OPRD1: variants seen among roughly 807,000 people sequenced by gnomAD.
OPRD1 encodes opioid receptor delta 1.
A neutral mutation model predicts 17.5 loss-of-function variants in OPRD1; 19 were observed. That is an observed-to-expected ratio of 1.09 (90% CI 0.76 to 1.60). OPRD1 has a LOEUF of 1.60. OPRD1 is among the 40% of genes most tolerant of loss of function. OPRD1 has a pLI of 0.00. For synonymous variants in OPRD1, 256 were observed against 240.9 expected (o/e 1.06, Z -0.58); for missense variants, 483 against 547.2 (o/e 0.88, Z 1.17).
Position 28,812,591 on chromosome 1 carries a change from G to A in OPRD1, c.208G>A (p.Val70Ile). 6.4e-7 allele frequency: 1 copy of A among 1,557,334 alleles called. No individual in the cohort carries two copies. Among genetic ancestry groups the A allele is most frequent in the East Asian group, 2.5e-5 (1 of 39,944 alleles). ...CAVGLLGNVL[V>I]MFGIVRYTKM... ...CGTGGGGCTGCTGGGCAACGTGCTTGTCATGTTCGGCATCGTCCGGTGAGT... is the reference window on the plus strand; with the variant it reads ...CGTGGGGCTGCTGGGCAACGTGCTTATCATGTTCGGCATCGTCCGGTGAGT... The change falls in exon 1 of 3, where the codon GTC becomes ATC. Residue 70 changes from valine to isoleucine, a missense_variant. Val to Ile is a conservative substitution (Grantham distance 29). Transcript: ENST00000234961.
rs1178671918 is a variant in OPRD1, at chr1:28,812,555, GC to G, written c.174del (p.Val59CysfsTer22). On this transcript the variant is annotated frameshift_variant, in exon 1 of 3. Transcript: ENST00000234961. LOFTEE classifies it high-confidence loss of function. ...AATCGCCATCACCGCGCTCTACTCG[GC>G]CGTGTGCGCCGTGGGGCTGCTGGGC... ...LAIAITALYS[A>X]VCAVGLLGNV... The G allele has an allele frequency of 1.8e-5, 28 of 1,579,786 alleles. No homozygotes were observed. The highest frequency in any genetic ancestry group is 2.4e-5 in the Non-Finnish European group (28 of 1,169,912).
Position 28,812,628 on chromosome 1 carries a change from C to G in OPRD1, c.227+18C>G, listed in dbSNP as rs12133192. On this transcript the variant is annotated intron_variant, in intron 1 of 2. Coordinates refer to ENST00000234961, the MANE Select transcript of OPRD1 (RefSeq NM_000911.4). The stretch of plus-strand genomic sequence containing the variant: ...ATCGTCCGGTGAGTCCGCTGCGGGC[C>G]GGCGCCGCAGGGCTGGAGCCCGGGG... 328,282 of 1,475,890 alleles carry G rather than the reference C, an allele frequency of 0.22. 38,291 individuals carry two copies. Among genetic ancestry groups the G allele is most frequent in the Non-Finnish European group, 0.24 (264,242 of 1,112,094 alleles). 91.4% of individuals were successfully genotyped at this position (1,475,890 alleles called of 1,614,324 possible). A position where few individuals can be genotyped will look rare whatever the true frequency, so the allele number is the denominator to read the frequency against.
rs191549973 is a variant in OPRD1 at position 28,824,430 on chromosome 1, C to T, written c.227+11820C>T. Among the ~76,000 whole-genome samples the T allele has an allele frequency of 3.4e-3, 508 of 150,614 alleles. 6 individuals are homozygous for T. The highest frequency in any genetic ancestry group is 0.01 in the African/African-American group (431 of 41,100). On this transcript the variant is annotated intron_variant, in intron 1 of 2. Coordinates refer to ENST00000234961, the MANE Select transcript of OPRD1 (RefSeq NM_000911.4). Reference sequence around the variant, plus strand: ...CTGGGTTCACGGCATTCTCCTGCCTCGGCTTCCCGAGTAGCTGGGACTACA... The same window carrying T: ...CTGGGTTCACGGCATTCTCCTGCCTTGGCTTCCCGAGTAGCTGGGACTACA...
At chr1:28,812,729 G>A in intron 1 of OPRD1, 119 bp downstream of exon 1, 1 of 904,250 alleles carries the variant, frequency 1.1e-6, no homozygotes, top group Non-Finnish European at 1.5e-6. Context: ...TCCTGCAGGG[G>A]CACCTGGGGC....
chr1:28,860,587 T>C lies in OPRD1; in HGVS notation c.577+1284T>C, dbSNP rs185042145. The stretch of plus-strand genomic sequence containing the variant: ...GTCCTGGCTCATCGCCAAGGCCCAA[T>C]GAATAATAGCTATTAAATGATTAAG... On this transcript the variant is annotated intron_variant, in intron 2 of 2. Coordinates refer to ENST00000234961, the MANE Select transcript of OPRD1 (RefSeq NM_000911.4). 2.6e-5 allele frequency among the ~76,000 whole-genome samples: 4 copies of C among 152,256 alleles called. No homozygotes were observed. The East Asian group carries it at 7.7e-4, about 29-fold the overall frequency.
At chr1:28,830,743 C>G (rs998580530) in intron 1 of OPRD1, among the ~76,000 whole-genome samples, 1 of 152,158 alleles carries the variant, frequency 6.6e-6, no homozygotes, top group Non-Finnish European at 1.5e-5. Context: ...GTGCTTTAAA[C>G]GAGGCATACC....
chr1:28,863,276 C>A lies in OPRD1; in HGVS notation c.1112C>A (p.Ala371Asp). Reference protein sequence around the residue: ...TPSDGPGGGAAA With the variant: ...TPSDGPGGGADA ...TCCGATGGTCCCGGCGGTGGCGCTG[C>A]CGCCTGACCAGGCCATCCGGCCCCC... The change falls in exon 3 of 3, where the codon GCC (alanine) becomes GAC (aspartate). Residue 371 changes from alanine (A) to aspartate (D), a missense_variant. Coordinates refer to ENST00000234961, the MANE Select transcript of OPRD1 (RefSeq NM_000911.4). 6.9e-7 allele frequency: 1 copy of A among 1,441,134 alleles called. No individual in the cohort carries two copies. The highest frequency in any genetic ancestry group is 9.0e-7 in the Non-Finnish European group (1 of 1,108,566). The allele number at this position is 1,441,134 out of a possible 1,614,324, so 89.3% of individuals were successfully genotyped here.
At chr1:28,824,175 T>TC (rs148062214) in intron 1 of OPRD1, among the ~76,000 whole-genome samples, 20 of 115,194 alleles carry the variant, frequency 1.7e-4, no homozygotes, top group African/African-American at 5.6e-4. Flanking sequence ...TGAGAACCTA[T>TC]CTCCAAAAAA....
At chr1:28,838,062 T>C (rs1378680045) in intron 1 of OPRD1, among the ~76,000 whole-genome samples, 8 of 151,800 alleles carry the variant, frequency 5.3e-5, no homozygotes, top group South Asian at 4.2e-4. Context: ...TTAAATGAGG[T>C]GATCTCTGTA....
rs892420762 is a variant in OPRD1, at chr1:28,870,240, T to TTTTC, written c.*6973_*6976dup. On this transcript the variant is annotated 3_prime_UTR_variant, in exon 3 of 3. Coordinates refer to ENST00000234961, the MANE Select transcript of OPRD1 (RefSeq NM_000911.4). ...TGCACCAACCCATGCTTCTTTTTTT[T>TTTTC]TTTCTTTCTTTCTTTCTTTTTTTTT... The TTTTC allele has an allele frequency of 6.6e-5, 10 of 151,814 alleles. No individual in the cohort carries two copies. Among genetic ancestry groups the TTTTC allele is most frequent in the South Asian group, 2.1e-4 (1 of 4,804 alleles). The allele number at this position is 151,814 out of a possible 1,614,324, so 9.4% of individuals were successfully genotyped here. A position where few individuals can be genotyped will look rare whatever the true frequency, so the allele number is the denominator to read the frequency against.
rs538335041 is a variant in OPRD1 at position 28,831,188 on chromosome 1, T to G, written c.227+18578T>G. ...GGCAGGTTAGCCACAAGACACTCCT[T>G]CCACCTGCCTAGGCCTTGTTGTCCC... On this transcript the variant is annotated intron_variant, in intron 1 of 2. Coordinates refer to ENST00000234961, the MANE Select transcript of OPRD1 (RefSeq NM_000911.4). Among the ~76,000 whole-genome samples the G allele has an allele frequency of 4.6e-5, 7 of 152,298 alleles. No homozygotes were observed. In the South Asian group the frequency reaches 1.5e-3, roughly 32 times the overall value.
intron 1 of OPRD1, among the ~76,000 whole-genome samples, chr1:28,821,246 G>GTACC (rs1424489732): frequency 6.6e-6 from 1 of 152,066 alleles, no homozygotes. Flanking sequence ...GGGATTACAG[G>GTACC]TACCTGCCAC....
intron 1 of OPRD1, among the ~76,000 whole-genome samples, chr1:28,822,600 GCCT>G (rs2088725438): frequency 6.6e-6 from 1 of 151,858 alleles, no homozygotes; most frequent in South Asian, 2.1e-4. Context: ...TCCTGCCTCA[GCCT>G]CCCAAGTAGC....
intron 1 of OPRD1, among the ~76,000 whole-genome samples, chr1:28,827,355 G>T (rs1181570228): frequency 6.6e-6 from 1 of 152,158 alleles, no homozygotes; most frequent in Non-Finnish European, 1.5e-5. Context: ...GTCTCACTGT[G>T]TTGCCCAGGC....
intron 2 of OPRD1, among the ~76,000 whole-genome samples, 192 bp downstream of exon 2, chr1:28,859,495 G>A (rs1437409055): frequency 6.6e-6 from 1 of 152,218 alleles, no homozygotes; most frequent in Non-Finnish European, 1.5e-5. Flanking sequence ...CAATGGGAAT[G>A]GGAATAGCTG....
chr1:28,828,337 T>C (rs970701298), intron 1 of OPRD1, among the ~76,000 whole-genome samples: 1 of 152,156 alleles, frequency 6.6e-6, no homozygotes, highest in African/African-American at 2.4e-5. Flanking sequence ...CTGAGCAGTT[T>C]GTCTCAACAG....
At chr1:28,840,345 C>T (rs1024192155) in intron 1 of OPRD1, among the ~76,000 whole-genome samples, 1 of 152,070 alleles carries the variant, frequency 6.6e-6, no homozygotes, top group Non-Finnish European at 1.5e-5. Flanking sequence ...CCTCTACTTC[C>T]TGCACTCAGG....
intron 1 of OPRD1, among the ~76,000 whole-genome samples, chr1:28,857,918 G>T (rs376712629): frequency 1.7e-3 from 265 of 151,944 alleles, no homozygotes; most frequent in African/African-American, 6.2e-3. Flanking sequence ...TCAGCCTCTC[G>T]AGTAGCTGGG....
At chr1:28,815,455 A>G (rs525672) in intron 1 of OPRD1, among the ~76,000 whole-genome samples, 141,146 of 152,284 alleles carry the variant, frequency 0.93, 65,518 homozygotes, top group East Asian at 1. Flanking sequence ...CCTGGGGACT[A>G]TGCTCCTCTG....
Sources: gnomAD v4.1 joint callset for allele counts (sites outside exome capture counted in the v4.1 genomes callset) on GRCh38, gnomAD v4.1.1 for gene constraint, MANE v1.5 for transcripts, NCBI Gene and HGNC (gene_info 2026-07-23, HGNC 2026-07-21) for gene names.